PPP1R12A: variants seen among roughly 807,000 people sequenced by gnomAD.
PPP1R12A encodes myosin binding subunit.
PPP1R12A carries 19 observed loss-of-function variants against 139.6 expected under a neutral mutation model. The ratio of observed to expected loss-of-function variants is 0.14; its 90% confidence interval spans 0.09 to 0.20. The LOEUF is 0.20. Ranked by LOEUF, PPP1R12A falls within the 10% of genes least tolerant of loss-of-function variation. The pLI, the probability that PPP1R12A is intolerant of heterozygous loss-of-function variation, is 1.00. For missense variants in PPP1R12A, 925 were observed against 1,211.5 expected (o/e 0.76, Z 3.51); for synonymous variants, 427 against 420.6 (o/e 1.02, Z -0.19).
At chr12:79,813,311 C>T (rs559263845) in intron 9 of PPP1R12A, among the ~76,000 whole-genome samples, 2 of 152,300 alleles carry the variant, frequency 1.3e-5, no homozygotes, top group African/African-American at 4.8e-5. Context: ...CTTCTTCTCT[C>T]AGGTGGAGTA....
At chr12:79,851,465 T>C (rs897168787) in intron 2 of PPP1R12A, among the ~76,000 whole-genome samples, 1 of 152,224 alleles carries the variant, frequency 6.6e-6, no homozygotes, top group African/African-American at 2.4e-5. Flanking sequence ...ACTTAACAAA[T>C]GTGACATGTA....
chr12:79,783,363 G>A (rs1025157585), intron 22 of PPP1R12A, among the ~76,000 whole-genome samples: 3 of 151,718 alleles, frequency 2.0e-5, no homozygotes, highest in African/African-American at 7.3e-5. Flanking sequence ...AACTACCTGG[G>A]AGGCTAAGGT....
At chr12:79,867,742 G>A (rs897924009) in intron 2 of PPP1R12A, among the ~76,000 whole-genome samples, 1 of 152,172 alleles carries the variant, frequency 6.6e-6, no homozygotes, top group Non-Finnish European at 1.5e-5. Context: ...CCCAGAGGGA[G>A]GTAATTGAAT....
intron 23 of PPP1R12A, among the ~76,000 whole-genome samples, chr12:79,781,007 G>A (rs1870382669): frequency 6.6e-6 from 1 of 151,900 alleles, no homozygotes; most frequent in Admixed American, 6.6e-5. Flanking sequence ...TAGCTCCTAA[G>A]TATTTACTCT....
Position 79,775,257 on chromosome 12 carries a change from T to C in PPP1R12A, c.*672A>G, listed in dbSNP as rs1227522297. 6.6e-6 allele frequency: 1 copy of C among 152,438 alleles called. No individual in the cohort carries two copies. The highest frequency in any genetic ancestry group is 1.5e-5 in the Non-Finnish European group (1 of 67,954). 9.4% of individuals were successfully genotyped at this position (152,438 alleles called of 1,614,324 possible). On this transcript the variant is annotated 3_prime_UTR_variant, in exon 25 of 25. Transcript: ENST00000450142. ...TTAAAGCATTCATATAAGAAATAAA[T>C]GCATATTGCACAAACAGTGAAAGCA...
intron 9 of PPP1R12A, 138 bp from the exon 10 acceptor site, chr12:79,810,148 T>C (rs1460777796): frequency 1.4e-6 from 1 of 697,054 alleles, no homozygotes; most frequent in African/African-American, 1.8e-5. Context: ...TTTTACTACA[T>C]AGGTTAATGT....
chr12:79,909,276 C>A (rs1290615672), intron 1 of PPP1R12A, among the ~76,000 whole-genome samples: 2 of 152,168 alleles, frequency 1.3e-5, no homozygotes, highest in Non-Finnish European at 2.9e-5. Context: ...TAAGGCATGT[C>A]TGTTATATCC....
At chr12:79,785,019 T>C (rs1017900530) in intron 22 of PPP1R12A, among the ~76,000 whole-genome samples, 1 of 152,164 alleles carries the variant, frequency 6.6e-6, no homozygotes, top group African/African-American at 2.4e-5. Context: ...TATATTTTTA[T>C]GTATACAGGC....
intron 20 of PPP1R12A, 119 bp from the exon 21 acceptor site, chr12:79,788,902 T>A (rs1871448918): frequency 2.4e-6 from 2 of 823,254 alleles, no homozygotes; most frequent in Admixed American, 6.3e-5. Context: ...TCTCCCTCTG[T>A]TATCTGATTA....
At chr12:79,910,615 TCTA>T (rs1321792305) in intron 1 of PPP1R12A, among the ~76,000 whole-genome samples, 2 of 152,190 alleles carry the variant, frequency 1.3e-5, no homozygotes, top group Non-Finnish European at 2.9e-5. Flanking sequence ...TCTAGTTTAT[TCTA>T]CTATGATTTC....
At chr12:79,780,567 A>C (rs1035335786) in intron 23 of PPP1R12A, 4 of 152,304 alleles carry the variant, frequency 2.6e-5, no homozygotes, top group Admixed American at 2.6e-4. Flanking sequence ...TTACTTTCAT[A>C]AGAAAAATTA....
At position 79,865,263 on chromosome 12, in the gene PPP1R12A, C is replaced by T. The variant is rs188703929; in HGVS notation, c.368+7545G>A. On this transcript the variant is annotated intron_variant, in intron 2 of 24. Coordinates refer to ENST00000450142, the MANE Select transcript of PPP1R12A (RefSeq NM_002480.3). The stretch of plus-strand genomic sequence containing the variant: ...TGCAGAAAAGGCCTTCGATAAAATT[C>T]AACAGCCTTTCATGCTAAAAACTCT... Among the ~76,000 whole-genome samples, 6 of 152,300 alleles carry T rather than the reference C, an allele frequency of 3.9e-5. No homozygotes were observed. The East Asian group carries it at 1.2e-3, about 29-fold the overall frequency.
Position 79,795,749 on chromosome 12 carries a change from T to G in PPP1R12A, c.2472A>C (p.Lys824Asn), listed in dbSNP as rs2137023486. The G allele has an allele frequency of 6.2e-7, 1 of 1,610,976 alleles. No individual in the cohort carries two copies. Among genetic ancestry groups the G allele is most frequent in the East Asian group, 2.2e-5 (1 of 44,848 alleles). The change falls in exon 18 of 25, where the codon AAA (lysine) becomes AAC (asparagine). Residue 824 changes from lysine (K) to asparagine (N), a missense_variant. By Grantham distance (94) the Lys-to-Asn change is moderately conservative (BLOSUM62 0). Coordinates refer to ENST00000450142, the MANE Select transcript of PPP1R12A (RefSeq NM_002480.3). ...CTTCTCCTTCTTTCTCCTCTTCTCT[T>G]TTTTCTCCCTCTGTTAAGGATTGCA... is the stretch of plus-strand genomic sequence containing the variant. Reference protein sequence around the residue: ...ITKENEREGEKREEEKEGEDK... With the variant: ...ITKENEREGENREEEKEGEDK...
intron 1 of PPP1R12A, among the ~76,000 whole-genome samples, chr12:79,877,928 A>T (rs1307539205): frequency 6.6e-6 from 1 of 152,182 alleles, no homozygotes; most frequent in Non-Finnish European, 1.5e-5. Flanking sequence ...ACCCTACTTG[A>T]TAATTATATG....
intron 5 of PPP1R12A, chr12:79,825,279 A>G (rs1453759311): frequency 6.6e-6 from 1 of 152,188 alleles, no homozygotes; most frequent in Non-Finnish European, 1.5e-5. Flanking sequence ...TGACAGTTAT[A>G]TTAATCTAAA....
chr12:79,909,097 T>C (rs1886352065), intron 1 of PPP1R12A, among the ~76,000 whole-genome samples: 1 of 152,190 alleles, frequency 6.6e-6, no homozygotes, highest in African/African-American at 2.4e-5. Context: ...TGGCATAGCG[T>C]TTGTGAGAAC....
At position 79,798,531 on chromosome 12, in the gene PPP1R12A, C is replaced by T. The variant is rs1872731799; in HGVS notation, c.2054G>A (p.Arg685Lys). Reference sequence around the variant, plus strand: ...TCTAGATTGTCTTGCTTGTCTAGATCTTGCTTTTCTTTGGGATTCAGACTC... The same window carrying T: ...TCTAGATTGTCTTGCTTGTCTAGATTTTGCTTTTCTTTGGGATTCAGACTC... ...DEESESQRKA[R>K]SRQARQSRRS... The change falls in exon 15 of 25, where the codon AGA (arginine) becomes AAA (lysine). Residue 685 changes from arginine to lysine, a missense_variant. Arg to Lys is a conservative substitution (Grantham distance 26). This residue lies in a region of PPP1R12A where 8 missense variants were observed against 32.0 expected (regional missense o/e 0.25). Coordinates refer to ENST00000450142, the MANE Select transcript of PPP1R12A (RefSeq NM_002480.3). The T allele has an allele frequency of 6.4e-7, 1 of 1,570,554 alleles. No individual in the cohort carries two copies. Among genetic ancestry groups the T allele is most frequent in the Non-Finnish European group, 8.7e-7 (1 of 1,154,618 alleles).
chr12:79,897,279 T>C (rs963921999), intron 1 of PPP1R12A, among the ~76,000 whole-genome samples: 3 of 152,174 alleles, frequency 2.0e-5, no homozygotes, highest in Non-Finnish European at 2.9e-5. Context: ...ATTATCCTAA[T>C]TGAATTAATG....
chr12:79,846,391 C>T (rs1322983327), intron 2 of PPP1R12A, among the ~76,000 whole-genome samples: 2 of 151,974 alleles, frequency 1.3e-5, no homozygotes, highest in African/African-American at 2.4e-5. Context: ...ATCTACTGAA[C>T]GATGTAACTA....
Sources: gnomAD v4.1 joint callset for allele counts (sites outside exome capture counted in the v4.1 genomes callset) on GRCh38, gnomAD v4.1.1 for gene constraint, gnomAD v4.1.1 regional missense constraint, MANE v1.5 for transcripts, NCBI Gene and HGNC (gene_info 2026-07-23, HGNC 2026-07-21) for gene names.